The following USH2A variants were observed in gnomAD, a reference collection of about 807,000 sequenced individuals.
USH2A encodes the protein usherin.
Under a neutral mutation model 538.9 loss-of-function variants are expected in USH2A, and 443 were observed. That is an observed-to-expected ratio of 0.82 (90% CI 0.76 to 0.89). The LOEUF (loss-of-function observed/expected upper bound fraction) is 0.89. Among genes scored for constraint, USH2A ranks in the 40% least tolerant of loss-of-function variants. The pLI is 0.00. For missense variants in USH2A, 6,633 were observed against 6,324.8 expected (o/e 1.05, Z -1.65); for synonymous variants, 2,413 against 2,273.5 (o/e 1.06, Z -1.75).
At chr1:216,312,864 A>G (rs771813095) in intron 9 of USH2A, among the ~76,000 whole-genome samples, 51 of 151,930 alleles carry the variant, frequency 3.4e-4, no homozygotes, top group Non-Finnish European at 1.6e-4. Context: ...TTGGTGTTTT[A>G]GTGTGCTTTG....
At chr1:215,907,653 T>C (rs527551119) in intron 38 of USH2A, among the ~76,000 whole-genome samples, 3 of 152,196 alleles carry the variant, frequency 2.0e-5, no homozygotes, top group East Asian at 1.9e-4. Context: ...AGTTCATTCA[T>C]ATCAGCTATG....
chr1:215,736,014 G>A (rs559404288), intron 60 of USH2A, among the ~76,000 whole-genome samples: 2 of 151,966 alleles, frequency 1.3e-5, no homozygotes, highest in Non-Finnish European at 2.9e-5. Context: ...GAAAATTAGG[G>A]AACACAGTGA....
Position 215,641,992 on chromosome 1 carries a change from C to T in USH2A, c.14792-1258G>A, listed in dbSNP as rs186697381. ...CTCTATTGTTATTTGTCTATGACTT[C>T]TCTCCATCACCTTAGTTCAGTAGAT... On this transcript the variant is annotated intron_variant, in intron 67 of 71. Transcript: ENST00000307340. Among the ~76,000 whole-genome samples, 191 of 152,292 alleles carry T rather than the reference C, an allele frequency of 1.3e-3. 1 individual carries two copies. Among genetic ancestry groups the T allele is most frequent in the Non-Finnish European group, 2.0e-3 (136 of 68,016 alleles).
intron 11 of USH2A, among the ~76,000 whole-genome samples, chr1:216,280,128 AG>A (rs1432738426): frequency 6.6e-6 from 1 of 151,476 alleles, no homozygotes; most frequent in African/African-American, 2.4e-5. Flanking sequence ...TCTGAACTTA[AG>A]TCACACTAGA....
intron 43 of USH2A, among the ~76,000 whole-genome samples, chr1:215,873,898 A>G (rs759323947): frequency 2.6e-5 from 4 of 152,130 alleles, no homozygotes; most frequent in African/African-American, 4.8e-5. Context: ...AAGCTAATTT[A>G]TAAATCTAAA....
intron 9 of USH2A, among the ~76,000 whole-genome samples, chr1:216,310,547 C>T (rs1330103905): frequency 6.6e-6 from 1 of 151,672 alleles, no homozygotes; most frequent in African/African-American, 2.4e-5. Flanking sequence ...CTTTTTTTCT[C>T]CTCGACCATA....
intron 14 of USH2A, among the ~76,000 whole-genome samples, chr1:216,231,236 A>AT (rs1252917968): frequency 7.4e-5 from 2 of 26,956 alleles, no homozygotes; most frequent in Admixed American, 5.9e-4. Context: ...TATATCCCAT[A>AT]TATATATATA....
At chr1:216,073,868 A>C (rs2031657522) in intron 27 of USH2A, among the ~76,000 whole-genome samples, 1 of 152,242 alleles carries the variant, frequency 6.6e-6, no homozygotes, top group Admixed American at 6.5e-5. Flanking sequence ...AGAGGTATAG[A>C]ATTTAGCCCG....
intron 11 of USH2A, among the ~76,000 whole-genome samples, chr1:216,285,026 T>G (rs2036854411): frequency 6.6e-6 from 1 of 152,190 alleles, no homozygotes; most frequent in South Asian, 2.1e-4. Flanking sequence ...CATAAAAGTT[T>G]GAAAAATTTG....
At chr1:216,103,671 G>T (rs868516247) in intron 21 of USH2A, among the ~76,000 whole-genome samples, 1 of 151,896 alleles carries the variant, frequency 6.6e-6, no homozygotes, top group South Asian at 2.1e-4. Flanking sequence ...TCTTACAATG[G>T]ACATGTAGAA....
rs1159107276 is a variant in USH2A, at chr1:215,650,663, G to T, written c.14272C>A (p.Pro4758Thr). The part of the protein sequence containing the change: ...STQAVVNISA[P>T]GKPNGIVSLY... ...CTGACGATCCCGTTGGGCTTCCCAG[G>T]GGCACTGATGTTGACCACTGCTTGG... is the stretch of plus-strand genomic sequence containing the variant. The change falls in exon 65 of 72, where the codon CCT (proline) becomes ACT (threonine). Residue 4758 changes from proline to threonine, a missense_variant. Physicochemically the swap from Pro to Thr is conservative, Grantham distance 38. Coordinates refer to ENST00000307340, the MANE Select transcript of USH2A (RefSeq NM_206933.4). 1 of 1,614,102 alleles carries T rather than the reference G, an allele frequency of 6.2e-7. No individual in the cohort carries two copies. The highest frequency in any genetic ancestry group is 1.7e-5 in the Admixed American group (1 of 60,006).
chr1:215,911,878 T>C (rs1283669759), intron 38 of USH2A, among the ~76,000 whole-genome samples: 1 of 152,048 alleles, frequency 6.6e-6, no homozygotes, highest in Non-Finnish European at 1.5e-5. Context: ...TTGTTATTTA[T>C]TGCCTGTTTT....
rs1656416086 is a variant in USH2A, at chr1:215,634,625, A to G, written c.15131T>C (p.Ile5044Thr). 5 of 1,614,236 alleles carry G rather than the reference A, an allele frequency of 3.1e-6. No homozygotes were observed. Among genetic ancestry groups the G allele is most frequent in the Middle Eastern group, 1.6e-4 (1 of 6,062 alleles). Residue 5044 changes from isoleucine (I) to threonine (T), a missense_variant, in exon 70 of 72, where the codon ATA (isoleucine) becomes ACA (threonine). By Grantham distance (89) the Ile-to-Thr change is moderately conservative. Coordinates refer to ENST00000307340, the MANE Select transcript of USH2A (RefSeq NM_206933.4). ...CAAGCCCAGCATCGCCATTAACACT[A>G]TGAACCACAGCTCGCTGTAGAACTC... ...STEFYSELWF[I>T]VLMAMLGLIL...
At chr1:216,298,360 T>C (rs1484027214) in intron 9 of USH2A, among the ~76,000 whole-genome samples, 2 of 152,214 alleles carry the variant, frequency 1.3e-5, no homozygotes, top group East Asian at 1.9e-4. Flanking sequence ...TTTTTGATTA[T>C]AATCTTTAAA....
At chr1:216,327,503 A>T in intron 5 of USH2A, 88 bp downstream of exon 5, 5 of 1,467,988 alleles carry the variant, frequency 3.4e-6, no homozygotes, top group Non-Finnish European at 4.8e-6. Context: ...AAGATAAAAA[A>T]TGGTATAATC....
chr1:215,810,679 G>C (rs1304269806), intron 49 of USH2A, among the ~76,000 whole-genome samples: 2 of 152,092 alleles, frequency 1.3e-5, no homozygotes, highest in East Asian at 3.9e-4. Context: ...TTGTAATCAA[G>C]GGCAGATATG....
At chr1:215,987,975 CT>C (rs1333837644) in intron 35 of USH2A, among the ~76,000 whole-genome samples, 59 of 152,032 alleles carry the variant, frequency 3.9e-4, no homozygotes, top group Admixed American at 2.7e-3. Flanking sequence ...TGTTCTTAAT[CT>C]TTTTTTCTAG....
At chr1:216,006,645 T>TC (rs1468714136) in intron 32 of USH2A, among the ~76,000 whole-genome samples, 4 of 152,206 alleles carry the variant, frequency 2.6e-5, no homozygotes, top group African/African-American at 9.7e-5. Context: ...ATTATGTTGT[T>TC]CCTTTGTGAC....
At chr1:216,014,116 T>G (rs927672997) in intron 32 of USH2A, among the ~76,000 whole-genome samples, 1 of 151,514 alleles carries the variant, frequency 6.6e-6, no homozygotes, top group African/African-American at 2.4e-5. Flanking sequence ...GAACCTAATT[T>G]GACATGTGGC....
Sources: gnomAD v4.1 joint callset for allele counts (sites outside exome capture counted in the v4.1 genomes callset) on GRCh38, gnomAD v4.1.1 for gene constraint, MANE v1.5 for transcripts, NCBI Gene and HGNC (gene_info 2026-07-23, HGNC 2026-07-21) for gene names.